ITGAD: variants seen among roughly 807,000 people sequenced by gnomAD.
ITGAD encodes the protein integrin subunit alpha D.
A neutral mutation model predicts 139.0 loss-of-function variants in ITGAD; 105 were observed. The observed-to-expected ratio is 0.76, with a 90% confidence interval of 0.65 to 0.89. ITGAD has a LOEUF of 0.89. ITGAD is among the 40% of genes least tolerant of loss of function. The pLI is 0.00. For synonymous variants in ITGAD, 569 were observed against 598.3 expected (o/e 0.95, Z 0.71); for missense variants, 1,384 against 1,487.3 (o/e 0.93, Z 1.14).
rs772214015 is a variant in ITGAD at position 31,394,282 on chromosome 16, G to A, written c.78G>A (p.Thr26=). 6.8e-6 allele frequency: 11 copies of A among 1,613,926 alleles called. No homozygotes were observed. The highest frequency in any genetic ancestry group is 2.2e-5 in the East Asian group (1 of 44,874). The change falls in exon 2 of 30, where the codon ACG becomes ACA. Residue 26 remains threonine, a synonymous_variant. Transcript: ENST00000389202. ...TCAACCTGGATGTGGAGGAGCCTACGATCTTCCAGGAGGATGCAGGCGGCT... is the reference window on the plus strand; with the variant it reads ...TCAACCTGGATGTGGAGGAGCCTACAATCTTCCAGGAGGATGCAGGCGGCT... ...HGFNLDVEEP[T]IFQEDAGGFG... is the part of the protein sequence containing the mutation.
In ITGAD at chr16:31,411,350, G is replaced by A. The variant is rs1425211948; in HGVS notation, c.1540G>A (p.Gly514Ser). 2.5e-6 allele frequency: 4 copies of A among 1,613,838 alleles called. No individual in the cohort carries two copies. In the East Asian group the frequency reaches 8.9e-5, roughly 36 times the overall value. Residue 514 changes from glycine to serine, a missense_variant, in exon 14 of 30, where the codon GGC becomes AGC. Gly to Ser is a moderately conservative substitution (Grantham distance 56, BLOSUM62 0). Coordinates refer to ENST00000389202, the MANE Select transcript of ITGAD (RefSeq NM_005353.3). ...TGACGCTGTTCTCCGTGGTGAGCAGGGCCACCCCTGGGGCCGCTTTGGGGC... is the reference window on the plus strand; with the variant it reads ...TGACGCTGTTCTCCGTGGTGAGCAGAGCCACCCCTGGGGCCGCTTTGGGGC... ...QCDAVLRGEQ[G>S]HPWGRFGAAL... is the part of the protein sequence containing the mutation.
chr16:31,410,378 G>A lies in ITGAD; in HGVS notation c.1084-17G>A, dbSNP rs1350851801. 5 of 1,613,808 alleles carry A rather than the reference G, an allele frequency of 3.1e-6. No homozygotes were observed. The highest frequency in any genetic ancestry group is 1.7e-5 in the Admixed American group (1 of 59,992). ...CCGCTCTAGTCTCTGCCCAGCCCTGGAATTCTTTCCTCCCAGGATGGCCTC... is the reference window on the plus strand; with the variant it reads ...CCGCTCTAGTCTCTGCCCAGCCCTGAAATTCTTTCCTCCCAGGATGGCCTC... On this transcript the variant is annotated splice_polypyrimidine_tract_variant and intron_variant, in intron 10 of 29. Coordinates refer to ENST00000389202, the MANE Select transcript of ITGAD (RefSeq NM_005353.3).
At position 31,424,452 on chromosome 16, in the gene ITGAD, T is replaced by A; in HGVS notation, c.3262-15T>A. The A allele has an allele frequency of 6.2e-7, 1 of 1,602,412 alleles. No individual in the cohort carries two copies. The highest frequency in any genetic ancestry group is 8.5e-7 in the Non-Finnish European group (1 of 1,170,172). On this transcript the variant is annotated splice_polypyrimidine_tract_variant and intron_variant, in intron 28 of 29. Coordinates refer to ENST00000389202, the MANE Select transcript of ITGAD (RefSeq NM_005353.3). Reference sequence around the variant, plus strand: ...GGATGGCATGAGGCCGGATGCTCTCTGATCTCTAAATCAGATGGAGATGGT... The same window carrying A: ...GGATGGCATGAGGCCGGATGCTCTCAGATCTCTAAATCAGATGGAGATGGT...
chr16:31,410,429 G>C lies in ITGAD; in HGVS notation c.1118G>C (p.Ser373Thr), dbSNP rs1374255433. ...TTCCTGGGGGCTGTGGGGAGCTTTAGCTGGTCTGGAGGTGCCTTCCTGTAT... is the reference window on the plus strand; with the variant it reads ...TTCCTGGGGGCTGTGGGGAGCTTTACCTGGTCTGGAGGTGCCTTCCTGTAT... ...GLFLGAVGSF[S>T]WSGGAFLYPP... The change falls in exon 11 of 30, where the codon AGC becomes ACC. Residue 373 changes from serine (S) to threonine (T), a missense_variant. Ser to Thr is a moderately conservative substitution (Grantham distance 58). Coordinates refer to ENST00000389202, the MANE Select transcript of ITGAD (RefSeq NM_005353.3). 1.2e-6 allele frequency: 2 copies of C among 1,614,034 alleles called. No individual in the cohort carries two copies. The highest frequency in any genetic ancestry group is 1.7e-5 in the Admixed American group (1 of 60,010).
chr16:31,424,506 A>C lies in ITGAD; in HGVS notation c.3301A>C (p.Ile1101Leu). The change falls in exon 29 of 30, where the codon ATT becomes CTT. Residue 1101 changes from isoleucine (I) to leucine (L), a missense_variant. By Grantham distance (5) the Ile-to-Leu change is conservative. Coordinates refer to ENST00000389202, the MANE Select transcript of ITGAD (RefSeq NM_005353.3). ...AGAAGAAGACGAGGTCTACAATGCCATTCCCATCATCATGGGCAGCTCTGT... is the reference window on the plus strand; with the variant it reads ...AGAAGAAGACGAGGTCTACAATGCCCTTCCCATCATCATGGGCAGCTCTGT... ...VLEEDEVYNAIPIIMGSSVGA... is the reference protein window; with the variant it reads ...VLEEDEVYNALPIIMGSSVGA... The C allele has an allele frequency of 6.2e-7, 1 of 1,614,006 alleles. No individual in the cohort carries two copies. Among genetic ancestry groups the C allele is most frequent in the Admixed American group, 1.7e-5 (1 of 60,014 alleles).
At chr16:31,410,343 T>C (rs2081654398) in intron 10 of ITGAD, 52 bp from the exon 11 acceptor site, 2 of 1,611,420 alleles carry the variant, frequency 1.2e-6, no homozygotes, top group African/African-American at 1.3e-5. Flanking sequence ...CTCTGGGATA[T>C]GCTGTCTTCC....
intron 23 of ITGAD, 28 bp from the exon 24 acceptor site, chr16:31,423,086 G>GT: frequency 1.0e-5 from 16 of 1,599,820 alleles, no homozygotes; most frequent in Non-Finnish European, 1.4e-5. Context: ...TTTCAGGGCT[G>GT]TTTTTCACCC....
At chr16:31,416,782 C>T in intron 20 of ITGAD, 136 bp downstream of exon 20, 3 of 804,562 alleles carry the variant, frequency 3.7e-6, no homozygotes, top group East Asian at 2.7e-5. Flanking sequence ...CACACATACA[C>T]ACAGAGAAAG....
At chr16:31,417,597 T>A (rs1214144171) in intron 20 of ITGAD, among the ~76,000 whole-genome samples, 3 of 152,120 alleles carry the variant, frequency 2.0e-5, no homozygotes, top group African/African-American at 7.2e-5. Context: ...TTCTGCTTTT[T>A]AAAAAATTTT....
chr16:31,410,548 G>A (rs201827964), intron 11 of ITGAD, 24 bp downstream of exon 11: 1 of 1,585,966 alleles, frequency 6.3e-7, no homozygotes, highest in Non-Finnish European at 8.6e-7. Context: ...AGGGGTTGGG[G>A]ACAGGTTGGA....
intron 1 of ITGAD, among the ~76,000 whole-genome samples, chr16:31,393,920 C>T (rs1186785754): frequency 6.6e-6 from 1 of 152,048 alleles, no homozygotes; most frequent in African/African-American, 2.4e-5. Context: ...CCCCTGAGGT[C>T]AGGAGTTTGT....
chr16:31,408,815 G>A (rs988904698), intron 10 of ITGAD, among the ~76,000 whole-genome samples: 7 of 152,202 alleles, frequency 4.6e-5, no homozygotes, highest in Non-Finnish European at 1.0e-4. Flanking sequence ...CAAATCAGGG[G>A]AGACTGTTCT....
intron 29 of ITGAD, 39 bp from the exon 30 acceptor site, chr16:31,425,976 C>T (rs773383619): frequency 2.2e-5 from 32 of 1,444,234 alleles, no homozygotes; most frequent in South Asian, 1.5e-4. Context: ...CCACCGGGCC[C>T]GGACTTACCC....
chr16:31,411,301 T>G lies in ITGAD; in HGVS notation c.1498-7T>G, dbSNP rs185805527. 1.0e-3 allele frequency: 1,638 copies of G among 1,610,610 alleles called. 3 individuals are homozygous for G. Among genetic ancestry groups the G allele is most frequent in the Middle Eastern group, 6.5e-3 (39 of 6,040 alleles). On this transcript the variant is annotated splice_region_variant and splice_polypyrimidine_tract_variant and intron_variant, in intron 13 of 29. Transcript: ENST00000389202. ...GATTGGGGTCTGACACTGCTTGTGT[T>G]CAGCAGAGGGTGCAGTGGCAGTGTG...
At position 31,402,240 on chromosome 16, in the gene ITGAD, A is replaced by ACCCT; in HGVS notation, c.554_557dup (p.Phe187ProfsTer57). ...CATGGGCCAGTTTGAGGGCACTGAC[A>ACCCT]CCCTGGTGAAGACTGGGCACCTGGG... On this transcript the variant is annotated frameshift_variant, in exon 6 of 30. Transcript: ENST00000389202. LOFTEE classifies it high-confidence loss of function. 7.7e-7 allele frequency: 1 copy of ACCCT among 1,303,670 alleles called. No homozygotes were observed. The highest frequency in any genetic ancestry group is 1.0e-6 in the Non-Finnish European group (1 of 982,576). The allele number at this position is 1,303,670 out of a possible 1,614,324, so 80.8% of individuals were successfully genotyped here.
intron 16 of ITGAD, among the ~76,000 whole-genome samples, chr16:31,413,843 C>T (rs1283175618): frequency 6.6e-6 from 1 of 152,168 alleles, no homozygotes; most frequent in African/African-American, 2.4e-5. Flanking sequence ...TGCTCATTCT[C>T]CAGGTGGCTG....
chr16:31,420,883 T>A (rs1175947972), intron 23 of ITGAD, among the ~76,000 whole-genome samples: 1 of 151,938 alleles, frequency 6.6e-6, no homozygotes, highest in Non-Finnish European at 1.5e-5. Context: ...TGTCCACTGT[T>A]GCTTCTGATG....
At chr16:31,400,505 C>T (rs548740435) in intron 5 of ITGAD, among the ~76,000 whole-genome samples, 18 of 152,328 alleles carry the variant, frequency 1.2e-4, no homozygotes, top group Non-Finnish European at 2.5e-4. Flanking sequence ...CACACACCCC[C>T]CATGAGCCTG....
intron 18 of ITGAD, 137 bp downstream of exon 18, chr16:31,415,128 AC>A (rs1189299186): frequency 3.1e-6 from 3 of 970,548 alleles, no homozygotes; most frequent in Non-Finnish European, 4.7e-6. Context: ...TCCTCCTCAC[AC>A]CCAGGCCTGT....
Sources: allele counts gnomAD v4.1 joint callset (sites outside exome capture counted in the v4.1 genomes callset), GRCh38; gene constraint gnomAD v4.1.1; transcripts MANE v1.5; gene names NCBI Gene and HGNC (gene_info 2026-07-23, HGNC 2026-07-21).